The following PSG6 variants were observed in gnomAD, a reference collection of about 807,000 sequenced individuals.
The protein encoded by PSG6 is pregnancy-specific beta-1-glycoprotein 6.
A neutral mutation model predicts 43.3 loss-of-function variants in PSG6; 51 were observed. That is an observed-to-expected ratio of 1.18 (90% CI 0.94 to 1.49). The LOEUF (loss-of-function observed/expected upper bound fraction) is 1.49. PSG6 is among the 40% of genes most tolerant of loss of function. The probability of loss-of-function intolerance (pLI) is 0.00; values close to 1 mark genes in which losing one functional copy is unlikely to be tolerated. For synonymous variants in PSG6, 292 were observed against 197.6 expected (o/e 1.48, Z -4.01); for missense variants, 770 against 522.2 (o/e 1.47, Z -4.62).
At chr19:42,905,868 C>T (rs1600539185) in intron 5 of PSG6, among the ~76,000 whole-genome samples, 1 of 151,286 alleles carries the variant, frequency 6.6e-6, no homozygotes, top group South Asian at 2.1e-4. Flanking sequence ...GTTAGAATAG[C>T]CAGTTACATA....
intron 2 of PSG6, among the ~76,000 whole-genome samples, chr19:42,913,093 G>C (rs1972258891): frequency 6.6e-6 from 1 of 151,560 alleles, no homozygotes; most frequent in African/African-American, 2.4e-5. Context: ...TCTCAAGCTA[G>C]GGATTCTTTC....
chr19:42,903,832 G>C (rs1305364678), intron 5 of PSG6: 1 of 1,359,994 alleles, frequency 7.4e-7, no homozygotes, highest in Non-Finnish European at 9.6e-7. Flanking sequence ...GGTTGAGGCT[G>C]CAGTGAGCCA....
At position 42,903,629 on chromosome 19, in the gene PSG6, G is replaced by T. The variant is rs544119230; in HGVS notation, c.1241-1183C>A. The T allele has an allele frequency of 1.1e-5, 16 of 1,487,870 alleles. 1 individual carries two copies. The highest frequency in any genetic ancestry group is 1.4e-5 in the South Asian group (1 of 73,278). 92.2% of individuals were successfully genotyped at this position (1,487,870 alleles called of 1,614,324 possible). A position where few individuals can be genotyped will look rare whatever the true frequency, so the allele number is the denominator to read the frequency against. ...ATGGACTCTGAGCATGGTGGGTCAT[G>T]TTTTAATCCTAGCACTTTGGGAGGT... On this transcript the variant is annotated intron_variant, in intron 5 of 5. Transcript: ENST00000187910.
rs543285070 is a variant in PSG6 at position 42,914,616 on chromosome 19, G to C, written c.427+1509C>G. Among the ~76,000 whole-genome samples, 161 of 151,322 alleles carry C rather than the reference G, an allele frequency of 1.1e-3. 5 individuals carry two copies. Among genetic ancestry groups the C allele is most frequent in the Non-Finnish European group, 2.5e-4 (17 of 67,820 alleles). On this transcript the variant is annotated intron_variant, in intron 2 of 5. Coordinates refer to ENST00000187910, the MANE Select transcript of PSG6 (RefSeq NM_001031850.4). Reference sequence around the variant, plus strand: ...GGTGGCTTTAGGGTCAAGAGGTAGTGGGGGGATGAAACATGGGTGTCAGCC... The same window carrying C: ...GGTGGCTTTAGGGTCAAGAGGTAGTCGGGGGATGAAACATGGGTGTCAGCC...
chr19:42,914,590 G>C (rs1222970207), intron 2 of PSG6, among the ~76,000 whole-genome samples: 4 of 150,688 alleles, frequency 2.7e-5, no homozygotes, highest in African/African-American at 9.8e-5. Flanking sequence ...GCATGAGGTG[G>C]GGTGGCTTTA....
intron 3 of PSG6, among the ~76,000 whole-genome samples, chr19:42,909,011 T>C (rs1030344040): frequency 6.6e-6 from 1 of 151,724 alleles, no homozygotes; most frequent in Non-Finnish European, 1.5e-5. Flanking sequence ...AGATTATCTC[T>C]TATGCATAAG....
At chr19:42,902,471 G>C in intron 5 of PSG6, 25 bp from the exon 6 acceptor site, 1 of 1,607,842 alleles carries the variant, frequency 6.2e-7, no homozygotes, top group Non-Finnish European at 8.5e-7. Context: ...GCCCAGGTCA[G>C]CGCATTTCAA....
chr19:42,917,814 C>G lies in PSG6; in HGVS notation c.-22G>C. ...CCATGGTCTCTGCTGTCTGTGTGTT[C>G]TCCCCTGTGGAGATGAGCCTAGGAT... On this transcript the variant is annotated 5_prime_UTR_variant, in exon 1 of 6. Coordinates refer to ENST00000187910, the MANE Select transcript of PSG6 (RefSeq NM_001031850.4). The G allele has an allele frequency of 6.2e-7, 1 of 1,606,008 alleles. No individual in the cohort carries two copies. The highest frequency in any genetic ancestry group is 1.1e-5 in the South Asian group (1 of 90,176).
chr19:42,910,645 T>C lies in PSG6; in HGVS notation c.641A>G (p.Tyr214Cys). 4 of 1,612,402 alleles carry C rather than the reference T, an allele frequency of 2.5e-6. No individual in the cohort carries two copies. Among genetic ancestry groups the C allele is most frequent in the Non-Finnish European group, 3.4e-6 (4 of 1,179,268 alleles). Reference sequence around the variant, plus strand: ...CACTGGGTTCCGTATTTCACATTCATAGGGTCCTGCAATATACTTTGTGAC... The same window carrying C: ...CACTGGGTTCCGTATTTCACATTCACAGGGTCCTGCAATATACTTTGTGAC... Reference protein sequence around the residue: ...FGVTKYIAGPYECEIRNPVSA... With the variant: ...FGVTKYIAGPCECEIRNPVSA... Residue 214 changes from tyrosine to cysteine, a missense_variant, in exon 3 of 6, where the codon TAT becomes TGT. Transcript: ENST00000187910.
At chr19:42,909,616 A>G (rs1419485214) in intron 3 of PSG6, 2 of 151,804 alleles carry the variant, frequency 1.3e-5, no homozygotes, top group African/African-American at 4.8e-5. Flanking sequence ...TTTTCAGGGT[A>G]TAATCATTTG....
chr19:42,910,686 G>A lies in PSG6; in HGVS notation c.600C>T (p.Thr200=), dbSNP rs764042113. 6.2e-7 allele frequency: 1 copy of A among 1,612,326 alleles called. No individual in the cohort carries two copies. The highest frequency in any genetic ancestry group is 1.1e-5 in the South Asian group (1 of 90,612). The change falls in exon 3 of 6, where the codon ACC becomes ACT. Residue 200 remains threonine (T), a synonymous_variant. Coordinates refer to ENST00000187910, the MANE Select transcript of PSG6 (RefSeq NM_001031850.4). ...ACTTTGTGACACCAAATAGATAGAG[G>A]GTCCTGTTGGTTTTGGACAGCTGCA... is the stretch of plus-strand genomic sequence containing the variant. ...HRLQLSKTNR[T]LYLFGVTKYI...
At chr19:42,908,753 G>T (rs1972165436) in intron 3 of PSG6, among the ~76,000 whole-genome samples, 1 of 151,766 alleles carries the variant, frequency 6.6e-6, no homozygotes, top group African/African-American at 2.4e-5. Flanking sequence ...ATGGATATGA[G>T]ACAAATTTGG....
chr19:42,905,989 G>T (rs1035111854), intron 5 of PSG6, among the ~76,000 whole-genome samples: 1 of 151,576 alleles, frequency 6.6e-6, no homozygotes, highest in African/African-American at 2.4e-5. Context: ...TTCTGGAAAT[G>T]GATAGTGTGA....
rs1233045873 is a variant in PSG6, at chr19:42,917,371, T to A, written c.64+358A>T. ...TCTTTCTTCTTTTTATTCTTTTTTT[T>A]TTTTTTTTTTGAAATGGAGTCTCGT... is the stretch of plus-strand genomic sequence containing the variant. On this transcript the variant is annotated intron_variant, in intron 1 of 5. Transcript: ENST00000187910. 4.6e-3 allele frequency among the ~76,000 whole-genome samples: 670 copies of A among 146,694 alleles called. 15 individuals are homozygous for A. The highest frequency in any genetic ancestry group is 0.016 in the African/African-American group (619 of 39,740).
At chr19:42,917,310 T>G (rs1202715689) in intron 1 of PSG6, among the ~76,000 whole-genome samples, 1 of 150,908 alleles carries the variant, frequency 6.6e-6, no homozygotes, top group African/African-American at 2.4e-5. Context: ...TATTTTCCCC[T>G]ATCCAGGCTC....
At chr19:42,910,419 A>G (rs1220427644) in intron 3 of PSG6, 161 bp downstream of exon 3, 1 of 1,561,360 alleles carries the variant, frequency 6.4e-7, no homozygotes, top group South Asian at 1.1e-5. Context: ...GATCAAGCCT[A>G]GGCCTACTCT....
At chr19:42,905,625 T>C (rs914925902) in intron 5 of PSG6, among the ~76,000 whole-genome samples, 1 of 151,696 alleles carries the variant, frequency 6.6e-6, no homozygotes, top group African/African-American at 2.4e-5. Flanking sequence ...TACACTGATG[T>C]ACAGAGAAGC....
chr19:42,912,141 G>T (rs967669940), intron 2 of PSG6, among the ~76,000 whole-genome samples: 3 of 151,616 alleles, frequency 2.0e-5, no homozygotes, highest in Non-Finnish European at 4.4e-5. Context: ...ATGCGCGAGT[G>T]AGCACTTCTT....
rs375120537 is a variant in PSG6, at chr19:42,917,697, T to C, written c.64+32A>G. On this transcript the variant is annotated intron_variant, in intron 1 of 5. Coordinates refer to ENST00000187910, the MANE Select transcript of PSG6 (RefSeq NM_001031850.4). ...CCCATCCAGTCACTCTGCTTCCTCC[T>C]CCTGTCCTCTCCCAGGAAGTCCTCT... The C allele has an allele frequency of 2.9e-5, 47 of 1,606,286 alleles. No homozygotes were observed. In the African/African-American group the frequency reaches 5.6e-4, roughly 19 times the overall value.
Sources: gnomAD v4.1 joint callset for allele counts (sites outside exome capture counted in the v4.1 genomes callset) on GRCh38, gnomAD v4.1.1 for gene constraint, MANE v1.5 for transcripts, NCBI Gene and HGNC (gene_info 2026-07-23, HGNC 2026-07-21) for gene names.